BICDL1: variants seen among roughly 807,000 people sequenced by gnomAD.
The protein encoded by BICDL1 is BICD family like cargo adaptor 1.
A neutral mutation model predicts 76.8 loss-of-function variants in BICDL1; 20 were observed. That is an observed-to-expected ratio of 0.26 (90% CI 0.18 to 0.38). The LOEUF is 0.38. Among genes scored for constraint, BICDL1 ranks in the 10% least tolerant of loss-of-function variants. The pLI is 1.00. For missense variants in BICDL1, 700 were observed against 798.6 expected, an observed-to-expected ratio of 0.88 and a Z score of 1.49; for synonymous variants, 383 against 337.1, an observed-to-expected ratio of 1.14 and a Z score of -1.49.
At position 120,040,259 on chromosome 12, in the gene BICDL1, C is replaced by T. The variant is rs533980994; in HGVS notation, c.646-21451C>T. 5.6e-4 allele frequency among the ~76,000 whole-genome samples: 85 copies of T among 152,068 alleles called. 1 individual carries two copies. The highest frequency in any genetic ancestry group is 1.7e-3 in the African/African-American group (72 of 41,460). On this transcript the variant is annotated intron_variant, in intron 2 of 9. Coordinates refer to ENST00000548673, the MANE Select transcript of BICDL1 (RefSeq NM_001367886.1). ...CTAGGATCACAGGCACCACCATGCC[C>T]GGCTAATTTTTGTATTTTTAGTAGA...
At chr12:120,067,069 T>A (rs573538716) in intron 4 of BICDL1, among the ~76,000 whole-genome samples, 16 of 152,322 alleles carry the variant, frequency 1.1e-4, no homozygotes, top group Non-Finnish European at 2.4e-4. Context: ...CAACTCTGAA[T>A]TTTTTCAGAC....
At position 120,071,938 on chromosome 12, in the gene BICDL1, A is replaced by T; in HGVS notation, c.1089+137A>T. 1 of 1,373,438 alleles carries T rather than the reference A, an allele frequency of 7.3e-7. No homozygotes were observed. Among genetic ancestry groups the T allele is most frequent in the East Asian group, 2.7e-5 (1 of 37,008 alleles). 85.1% of individuals were successfully genotyped at this position (1,373,438 alleles called of 1,614,324 possible). A position where few individuals can be genotyped will look rare whatever the true frequency, so the allele number is the denominator to read the frequency against. ...GTCAGCCCCTTGGCCTGCTGGCTAG[A>T]GTGTCATGAAGCAGGCCCTGATGGA... On this transcript the variant is annotated intron_variant, in intron 5 of 9. Coordinates refer to ENST00000548673, the MANE Select transcript of BICDL1 (RefSeq NM_001367886.1). The surrounding 1 kb of genome is among the most constrained non-coding windows in gnomAD (Gnocchi z 4.8).
intron 2 of BICDL1, among the ~76,000 whole-genome samples, chr12:120,017,996 C>T (rs915262589): frequency 3.3e-5 from 5 of 152,292 alleles, no homozygotes; most frequent in Non-Finnish European, 7.3e-5. Flanking sequence ...TATATCTACC[C>T]GTTTCCTTTG....
chr12:120,027,104 C>T (rs1383568573), intron 2 of BICDL1, among the ~76,000 whole-genome samples: 1 of 146,798 alleles, frequency 6.8e-6, no homozygotes, highest in African/African-American at 2.5e-5. Flanking sequence ...AATCTCGGCT[C>T]ACTGCAACCT....
intron 2 of BICDL1, among the ~76,000 whole-genome samples, chr12:120,039,482 A>G (rs917411279): frequency 6.6e-6 from 1 of 151,662 alleles, no homozygotes; most frequent in Non-Finnish European, 1.5e-5. Flanking sequence ...TACTAAAAAT[A>G]CAAAAATTAG....
At position 120,072,672 on chromosome 12, in the gene BICDL1, T is replaced by G. The variant is rs1261724397; in HGVS notation, c.1251T>G (p.Thr417=). The change falls in exon 6 of 10, where the codon ACT becomes ACG. Residue 417 remains threonine, a synonymous_variant. Transcript: ENST00000548673. ...ATGTGCCAGCCGGCAGCTTGCGCAC[T>G]GCCCTCAATGAGCTCAAGAGACTGA... ...AKDVPAGSLR[T]ALNELKRLIQ... is the part of the protein sequence containing the mutation. 1 of 1,614,086 alleles carries G rather than the reference T, an allele frequency of 6.2e-7. No individual in the cohort carries two copies. Among genetic ancestry groups the G allele is most frequent in the Non-Finnish European group, 8.5e-7 (1 of 1,180,042 alleles).
At chr12:120,063,438 T>A (rs1409451519) in intron 3 of BICDL1, among the ~76,000 whole-genome samples, 2 of 152,158 alleles carry the variant, frequency 1.3e-5, no homozygotes, top group African/African-American at 4.8e-5. Context: ...CTGATTGAAT[T>A]GGTGGCCAGA....
intron 3 of BICDL1, among the ~76,000 whole-genome samples, chr12:120,062,905 T>C (rs1485632702): frequency 6.6e-6 from 1 of 152,208 alleles, no homozygotes; most frequent in Non-Finnish European, 1.5e-5. Context: ...TCATTTTTTC[T>C]AGACCCTCAT....
chr12:120,016,434 CTTTTT>C (rs1174613877), intron 2 of BICDL1, among the ~76,000 whole-genome samples: 1 of 95,888 alleles, frequency 1.0e-5, no homozygotes, highest in Non-Finnish European at 2.0e-5. Flanking sequence ...TGTCTGTAAC[CTTTTT>C]TTTTTTTTTT....
intron 8 of BICDL1, among the ~76,000 whole-genome samples, chr12:120,083,097 A>G (rs1196733431): frequency 6.6e-6 from 1 of 151,954 alleles, no homozygotes; most frequent in East Asian, 1.9e-4. Context: ...TCCTGGCCTC[A>G]AGTGATCTGC....
At chr12:120,037,804 T>C (rs764340882) in intron 2 of BICDL1, among the ~76,000 whole-genome samples, 3 of 152,224 alleles carry the variant, frequency 2.0e-5, no homozygotes, top group Non-Finnish European at 4.4e-5. Flanking sequence ...TTTTATAATA[T>C]GAGTTTGTTT....
intron 2 of BICDL1, among the ~76,000 whole-genome samples, chr12:120,022,016 T>C (rs1952195024): frequency 1.4e-5 from 2 of 147,030 alleles, no homozygotes; most frequent in South Asian, 4.5e-4. Context: ...ATAATGACTT[T>C]TACAAAAAAA....
intron 2 of BICDL1, among the ~76,000 whole-genome samples, chr12:120,050,503 G>A (rs1374084441): frequency 5.9e-5 from 9 of 152,018 alleles, no homozygotes; most frequent in South Asian, 4.1e-4. Context: ...TCCTGACCTC[G>A]TGATCCACCT....
chr12:120,030,972 AT>A (rs1952410990), intron 2 of BICDL1, among the ~76,000 whole-genome samples: 2 of 152,306 alleles, frequency 1.3e-5, no homozygotes, highest in South Asian at 4.1e-4. Flanking sequence ...GTTTCTAGAT[AT>A]GAGTTTAGAA....
chr12:120,056,568 A>G (rs1299469127), intron 2 of BICDL1, among the ~76,000 whole-genome samples: 1 of 152,106 alleles, frequency 6.6e-6, no homozygotes, highest in Non-Finnish European at 1.5e-5. Flanking sequence ...AAAATACAAA[A>G]ATTAGCTGGG....
intron 2 of BICDL1, among the ~76,000 whole-genome samples, chr12:120,049,930 A>G (rs1465998926): frequency 3.3e-5 from 5 of 152,172 alleles, no homozygotes; most frequent in Admixed American, 2.0e-4. Context: ...TCCCACCAAC[A>G]GTGTGTGGGA....
chr12:120,011,086 C>T (rs1951943598), intron 2 of BICDL1, among the ~76,000 whole-genome samples: 1 of 152,188 alleles, frequency 6.6e-6, no homozygotes, highest in South Asian at 2.1e-4. Context: ...GTCAGTGGCT[C>T]TTAGTTCAGG....
In BICDL1 at chr12:120,071,412, G is replaced by A. The variant is rs182499113; in HGVS notation, c.910-210G>A. 7.9e-5 allele frequency among the ~76,000 whole-genome samples: 12 copies of A among 152,160 alleles called. No individual in the cohort carries two copies. The highest frequency in any genetic ancestry group is 3.3e-4 in the Admixed American group (5 of 15,286). The stretch of plus-strand genomic sequence containing the variant: ...CCGCCTCGGCCTCCCAAAGTGCTGG[G>A]ATTACAGGGGTGAGCCACCGCGCCC... On this transcript the variant is annotated intron_variant, in intron 4 of 9. Coordinates refer to ENST00000548673, the MANE Select transcript of BICDL1 (RefSeq NM_001367886.1). This position sits in a 1 kb window ranked among gnomAD's most constrained non-coding sequence, Gnocchi z 4.8.
At chr12:119,996,143 G>T (rs1018480029) in intron 1 of BICDL1, among the ~76,000 whole-genome samples, 1 of 152,084 alleles carries the variant, frequency 6.6e-6, no homozygotes, top group Non-Finnish European at 1.5e-5. Flanking sequence ...TTTTTCAACA[G>T]ATACACTCGA....
Sources: gnomAD v4.1 joint callset for allele counts (sites outside exome capture counted in the v4.1 genomes callset) on GRCh38, gnomAD v4.1.1 for gene constraint, Gnocchi (gnomAD v3.1) non-coding constraint, MANE v1.5 for transcripts, NCBI Gene and HGNC (gene_info 2026-07-23, HGNC 2026-07-21) for gene names.